The following PAK5 variants were observed in gnomAD, a reference collection of about 807,000 sequenced individuals.
The protein encoded by PAK5 is serine/threonine-protein kinase PAK 5.
In PAK5, 16 loss-of-function variants were observed where a neutral mutation model predicts 65.9. The observed-to-expected ratio is 0.24, with a 90% CI of 0.16 to 0.37. PAK5 has a LOEUF of 0.37. Ranked by LOEUF, PAK5 falls within the 10% of genes least tolerant of loss-of-function variation. The pLI is 1.00. For missense variants in PAK5, 785 were observed against 903.9 expected, an observed-to-expected ratio of 0.87 and a Z score of 1.69; for synonymous variants, 371 against 354.9, an observed-to-expected ratio of 1.05 and a Z score of -0.51.
chr20:9,608,800 C>T (rs539915364), intron 3 of PAK5, among the ~76,000 whole-genome samples: 1 of 152,332 alleles, frequency 6.6e-6, no homozygotes, highest in African/African-American at 2.4e-5. Context: ...TCCACTTCTA[C>T]TGTGTTCTAT....
intron 7 of PAK5, among the ~76,000 whole-genome samples, chr20:9,557,062 C>T (rs898861402): frequency 1.3e-5 from 2 of 152,202 alleles, no homozygotes; most frequent in African/African-American, 4.8e-5. Context: ...CAGGACCTTG[C>T]CTCACCACTT....
intron 2 of PAK5, 82 bp downstream of exon 2, chr20:9,711,204 T>G (rs1422625952): frequency 1.3e-5 from 2 of 152,190 alleles, no homozygotes; most frequent in African/African-American, 4.8e-5. Context: ...AATCAATACA[T>G]GCATGTTTCT....
intron 4 of PAK5, chr20:9,575,712 T>C (rs2122989679): frequency 6.6e-6 from 1 of 152,324 alleles, no homozygotes; most frequent in South Asian, 2.1e-4. Flanking sequence ...CAAATCCACC[T>C]GTCAGTCACC....
chr20:9,548,023 C>G (rs139996627), intron 7 of PAK5, among the ~76,000 whole-genome samples: 43 of 152,324 alleles, frequency 2.8e-4, no homozygotes, highest in African/African-American at 9.1e-4. Context: ...TTTCACCACA[C>G]CCCATCTTCC....
intron 3 of PAK5, among the ~76,000 whole-genome samples, chr20:9,617,705 A>G (rs1026471684): frequency 6.6e-6 from 1 of 151,650 alleles, no homozygotes; most frequent in Non-Finnish European, 1.5e-5. Context: ...ACAGGCGCCC[A>G]CCACCACGGC....
intron 3 of PAK5, among the ~76,000 whole-genome samples, chr20:9,596,811 G>A (rs1276425865): frequency 6.6e-6 from 1 of 152,074 alleles, no homozygotes; most frequent in Non-Finnish European, 1.5e-5. Context: ...TAGTATTTGA[G>A]GTTGAAAACC....
intron 3 of PAK5, among the ~76,000 whole-genome samples, chr20:9,595,697 T>C (rs1000654105): frequency 1.3e-5 from 2 of 152,154 alleles, no homozygotes; most frequent in African/African-American, 4.8e-5. Flanking sequence ...AAACATAAAA[T>C]CCAGGGGTGT....
chr20:9,818,474 A>G (rs2049383373), intron 1 of PAK5, among the ~76,000 whole-genome samples: 1 of 152,178 alleles, frequency 6.6e-6, no homozygotes, highest in Non-Finnish European at 1.5e-5. Flanking sequence ...GCTTTAACGA[A>G]TATCACTGAA....
At chr20:9,746,306 C>T (rs1159058817) in intron 1 of PAK5, among the ~76,000 whole-genome samples, 1 of 152,162 alleles carries the variant, frequency 6.6e-6, no homozygotes, top group East Asian at 1.9e-4. Flanking sequence ...TTTTCTCTAT[C>T]ACCTACATCC....
intron 3 of PAK5, among the ~76,000 whole-genome samples, chr20:9,641,313 T>A (rs375300150): frequency 0.01 from 1,491 of 147,632 alleles, no homozygotes; most frequent in African/African-American, 0.038. Context: ...ATCCCTGAGC[T>A]AGACATAAAG....
At chr20:9,684,146 T>C (rs940159186) in intron 2 of PAK5, among the ~76,000 whole-genome samples, 18 of 152,200 alleles carry the variant, frequency 1.2e-4, no homozygotes, top group African/African-American at 3.6e-4. Context: ...CTGTTTGTCA[T>C]AGAAGGTAGC....
chr20:9,605,516 G>C (rs1438210531), intron 3 of PAK5, among the ~76,000 whole-genome samples: 2 of 152,192 alleles, frequency 1.3e-5, no homozygotes, highest in Non-Finnish European at 2.9e-5. Flanking sequence ...CTAAAAAACA[G>C]ACATAATGAT....
chr20:9,725,513 C>A (rs1245492650), intron 1 of PAK5, among the ~76,000 whole-genome samples: 1 of 151,990 alleles, frequency 6.6e-6, no homozygotes, highest in African/African-American at 2.4e-5. Flanking sequence ...TATCAAGAAG[C>A]CCCTTACGGC....
intron 9 of PAK5, among the ~76,000 whole-genome samples, chr20:9,540,560 T>A (rs2045245041): frequency 6.6e-6 from 1 of 152,232 alleles, no homozygotes; most frequent in South Asian, 2.1e-4. Context: ...TCTTTTAAAT[T>A]ACTGTGTAGT....
intron 1 of PAK5, among the ~76,000 whole-genome samples, chr20:9,825,389 T>A (rs1230644831): frequency 1.3e-5 from 2 of 152,196 alleles, no homozygotes; most frequent in Non-Finnish European, 2.9e-5. Context: ...ATTTTGAGAT[T>A]TTTCCAGCCA....
intron 1 of PAK5, among the ~76,000 whole-genome samples, chr20:9,755,042 T>C (rs1468343058): frequency 6.6e-6 from 1 of 152,218 alleles, no homozygotes; most frequent in Non-Finnish European, 1.5e-5. Context: ...TTAACGAAGA[T>C]GTTTAAAAAG....
chr20:9,827,916 C>T (rs1230768215), intron 1 of PAK5, among the ~76,000 whole-genome samples: 1 of 152,214 alleles, frequency 6.6e-6, no homozygotes, highest in Non-Finnish European at 1.5e-5. Flanking sequence ...ACTGCAACAT[C>T]TGCCTCCCGG....
chr20:9,721,383 C>A (rs2048211011), intron 1 of PAK5, among the ~76,000 whole-genome samples: 1 of 152,034 alleles, frequency 6.6e-6, no homozygotes, highest in African/African-American at 2.4e-5. Context: ...TGTGGTGGCT[C>A]ACGCCTGTAA....
At chr20:9,663,203 G>T (rs1320664313) in intron 2 of PAK5, among the ~76,000 whole-genome samples, 1 of 152,092 alleles carries the variant, frequency 6.6e-6, no homozygotes, top group Admixed American at 6.5e-5. Context: ...GTGGTTTGGG[G>T]CAATATTTTG....
Sources: allele counts gnomAD v4.1 joint callset (sites outside exome capture counted in the v4.1 genomes callset), GRCh38; gene constraint gnomAD v4.1.1; transcripts MANE v1.5; gene names NCBI Gene and HGNC (gene_info 2026-07-23, HGNC 2026-07-21).